GPC6: variants seen among roughly 807,000 people sequenced by gnomAD.
The protein encoded by GPC6 is glypican-6.
GPC6 carries 14 observed loss-of-function variants against 55.2 expected under a neutral mutation model. The ratio of observed to expected loss-of-function variants is 0.25; its 90% CI spans 0.17 to 0.40. The LOEUF (loss-of-function observed/expected upper bound fraction) is 0.40, where lower values mean the gene tolerates loss of function less well. GPC6 is among the 10% of genes least tolerant of loss of function. GPC6 has a pLI of 1.00. For synonymous variants in GPC6, 278 were observed against 259.6 expected (o/e 1.07, Z -0.68); for missense variants, 641 against 708.5 (o/e 0.90, Z 1.08).
At chr13:94,148,652 CTATATCCAGTGATTTTTCAAAT>C (rs1210285407) in intron 4 of GPC6, among the ~76,000 whole-genome samples, 1 of 152,102 alleles carries the variant, frequency 6.6e-6, no homozygotes, top group Admixed American at 6.6e-5. Context: ...GTTTAGGCAT[CTATATCCAGTGATTTTTCAAAT>C]GTTATTATTA....
At chr13:93,652,831 T>G (rs925923290) in intron 2 of GPC6, among the ~76,000 whole-genome samples, 1 of 152,230 alleles carries the variant, frequency 6.6e-6, no homozygotes, top group Non-Finnish European at 1.5e-5. Flanking sequence ...TGTTACATTT[T>G]GTCTATGTGT....
At chr13:94,089,279 A>G (rs1181843635) in intron 4 of GPC6, among the ~76,000 whole-genome samples, 1 of 152,206 alleles carries the variant, frequency 6.6e-6, no homozygotes, top group Non-Finnish European at 1.5e-5. Flanking sequence ...GAGATGGATT[A>G]GGTCAGAGCC....
At chr13:94,081,484 T>C (rs1299377700) in intron 4 of GPC6, among the ~76,000 whole-genome samples, 2 of 152,146 alleles carry the variant, frequency 1.3e-5, no homozygotes, top group Non-Finnish European at 2.9e-5. Context: ...GAACGACTAC[T>C]ATCCATAAAA....
chr13:93,494,504 G>C lies in GPC6; in HGVS notation c.161-50759G>C, dbSNP rs968755810. On this transcript the variant is annotated intron_variant, in intron 1 of 8. Coordinates refer to ENST00000377047, the MANE Select transcript of GPC6 (RefSeq NM_005708.5). The stretch of plus-strand genomic sequence containing the variant: ...CTTGCCAGTCTGTGTCTTTTAATTG[G>C]AGAATTTAGTCCATTTACATTTAAA... Among the ~76,000 whole-genome samples the C allele has an allele frequency of 9.2e-5, 14 of 152,230 alleles. 1 individual carries two copies. Among genetic ancestry groups the C allele is most frequent in the African/African-American group, 2.6e-4 (11 of 41,510 alleles).
chr13:93,937,622 A>C (rs1484734738), intron 3 of GPC6, among the ~76,000 whole-genome samples: 4 of 152,164 alleles, frequency 2.6e-5, no homozygotes, highest in African/African-American at 4.8e-5. Flanking sequence ...TCTGTTGCCC[A>C]GGCTGGAGTG....
At chr13:94,301,720 C>T (rs1195981777) in intron 5 of GPC6, among the ~76,000 whole-genome samples, 1 of 152,158 alleles carries the variant, frequency 6.6e-6, no homozygotes, top group Non-Finnish European at 1.5e-5. Flanking sequence ...TCCTCAGCCT[C>T]ATCCATCTGC....
At chr13:93,536,310 G>A (rs970581524) in intron 1 of GPC6, among the ~76,000 whole-genome samples, 15 of 152,082 alleles carry the variant, frequency 9.9e-5, no homozygotes, top group Non-Finnish European at 2.1e-4. Flanking sequence ...TTCGTATTGT[G>A]TAATCTTCAC....
intron 2 of GPC6, among the ~76,000 whole-genome samples, chr13:93,663,277 A>G (rs1280016803): frequency 1.3e-5 from 2 of 152,104 alleles, no homozygotes; most frequent in African/African-American, 4.8e-5. Context: ...TTATCATATA[A>G]TTGTTTTGAA....
At chr13:93,445,560 T>C (rs1235259999) in intron 1 of GPC6, among the ~76,000 whole-genome samples, 1 of 152,228 alleles carries the variant, frequency 6.6e-6, no homozygotes, top group African/African-American at 2.4e-5. Flanking sequence ...CACTGTCTTC[T>C]TCACATCTCC....
chr13:94,076,785 C>G (rs1471856778), intron 4 of GPC6, among the ~76,000 whole-genome samples: 1 of 151,678 alleles, frequency 6.6e-6, no homozygotes, highest in African/African-American at 2.4e-5. Flanking sequence ...ATAAGTTAAT[C>G]ATATACATGT....
chr13:93,985,247 A>G (rs962696272), intron 3 of GPC6, among the ~76,000 whole-genome samples: 2 of 152,038 alleles, frequency 1.3e-5, no homozygotes, highest in Non-Finnish European at 2.9e-5. Context: ...ATCCTGGCCA[A>G]CCAACATGGT....
chr13:93,646,532 G>A (rs888467498), intron 2 of GPC6, among the ~76,000 whole-genome samples: 1 of 152,062 alleles, frequency 6.6e-6, no homozygotes, highest in African/African-American at 2.4e-5. Context: ...AGACGAGAAA[G>A]TAATCCCTAC....
intron 1 of GPC6, among the ~76,000 whole-genome samples, chr13:93,401,860 G>C (rs951981941): frequency 2.6e-5 from 4 of 151,472 alleles, no homozygotes; most frequent in Non-Finnish European, 5.9e-5. Flanking sequence ...AGATAGAGTA[G>C]GTTTTTTCCT....
At chr13:93,229,071 A>C (rs890286798) in intron 1 of GPC6, among the ~76,000 whole-genome samples, 4 of 152,170 alleles carry the variant, frequency 2.6e-5, no homozygotes, top group Non-Finnish European at 5.9e-5. Context: ...GGTGAATTAT[A>C]AGCCTACTTT....
chr13:93,495,596 T>A (rs9589752), intron 1 of GPC6, among the ~76,000 whole-genome samples: 1 of 97,422 alleles, frequency 1.0e-5, no homozygotes, highest in Non-Finnish European at 2.1e-5. Context: ...GGAGGAGAGG[T>A]GCTCTGCTTT....
At chr13:93,971,673 T>A (rs890539439) in intron 3 of GPC6, among the ~76,000 whole-genome samples, 3 of 152,208 alleles carry the variant, frequency 2.0e-5, no homozygotes, top group African/African-American at 7.2e-5. Context: ...AGATGGATAA[T>A]TACTGCAACT....
At chr13:94,367,528 C>A (rs1879336408) in intron 6 of GPC6, among the ~76,000 whole-genome samples, 1 of 152,178 alleles carries the variant, frequency 6.6e-6, no homozygotes, top group Non-Finnish European at 1.5e-5. Context: ...CTAACCTGAA[C>A]AGCAGTAGGA....
intron 2 of GPC6, among the ~76,000 whole-genome samples, chr13:93,768,426 G>A (rs150593555): frequency 6.6e-6 from 1 of 152,236 alleles, no homozygotes; most frequent in East Asian, 1.9e-4. Flanking sequence ...ACCTCCCCAA[G>A]CCTGTAAACA....
chr13:94,025,798 A>C (rs868305249), intron 3 of GPC6, among the ~76,000 whole-genome samples: 43 of 152,266 alleles, frequency 2.8e-4, no homozygotes, highest in Admixed American at 1.1e-3. Context: ...ATTATATTTT[A>C]CTTCATTTAT....
Sources: gnomAD v4.1 joint callset for allele counts (sites outside exome capture counted in the v4.1 genomes callset) on GRCh38, gnomAD v4.1.1 for gene constraint, MANE v1.5 for transcripts, NCBI Gene and HGNC (gene_info 2026-07-23, HGNC 2026-07-21) for gene names.